Variants in RSKR observed in about 807,000 individuals in gnomAD.
RSKR encodes ribosomal protein S6 kinase-related protein.
RSKR carries 44 observed loss-of-function variants against 56.8 expected under a neutral mutation model. That is an observed-to-expected ratio of 0.77 (90% CI 0.61 to 1.00). The LOEUF (loss-of-function observed/expected upper bound fraction) is 1.00. Ranked by LOEUF, RSKR falls within the 50% of genes least tolerant of loss-of-function variation. The pLI, the probability that RSKR is intolerant of heterozygous loss-of-function variation, is 0.00. For synonymous variants in RSKR, 181 were observed against 188.0 expected (o/e 0.96, Z 0.30); for missense variants, 510 against 506.9 (o/e 1.01, Z -0.06).
Position 28,609,615 on chromosome 17 carries a change from C to A in RSKR, c.*863G>T, listed in dbSNP as rs557127155. Reference sequence around the variant, plus strand: ...CTGCATTATTTAGGGGTTGAAATGCCAGCTTTTGAGACTTTTGAAAAATTC... The same window carrying A: ...CTGCATTATTTAGGGGTTGAAATGCAAGCTTTTGAGACTTTTGAAAAATTC... On this transcript the variant is annotated 3_prime_UTR_variant, in exon 12 of 12. Transcript: ENST00000301037. 6.6e-6 allele frequency: 1 copy of A among 151,870 alleles called. No individual in the cohort carries two copies. Among genetic ancestry groups the A allele is most frequent in the Admixed American group, 6.6e-5 (1 of 15,250 alleles). The allele number at this position is 151,870 out of a possible 1,614,324, so 9.4% of individuals were successfully genotyped here. A position where few individuals can be genotyped will look rare whatever the true frequency, so the allele number is the denominator to read the frequency against.
chr17:28,609,089 A>G lies in RSKR; in HGVS notation c.*1389T>C, dbSNP rs186832245. The G allele has an allele frequency of 1.7e-5, 2 of 118,164 alleles. No individual in the cohort carries two copies. Among genetic ancestry groups the G allele is most frequent in the East Asian group, 5.6e-4 (2 of 3,576 alleles). 7.3% of individuals were successfully genotyped at this position (118,164 alleles called of 1,614,324 possible). A position where few individuals can be genotyped will look rare whatever the true frequency, so the allele number is the denominator to read the frequency against. ...ACAGAGTCTACCTCTGTCACCCAGGAGTTCAATGGCACAATCTTGGCTCAC... is the reference window on the plus strand; with the variant it reads ...ACAGAGTCTACCTCTGTCACCCAGGGGTTCAATGGCACAATCTTGGCTCAC... On this transcript the variant is annotated 3_prime_UTR_variant, in exon 12 of 12. Coordinates refer to ENST00000301037, the MANE Select transcript of RSKR (RefSeq NM_001174103.2).
Position 28,610,387 on chromosome 17 carries a change from AACAAACT to A in RSKR, c.*84_*90del, listed in dbSNP as rs2070795096. The stretch of plus-strand genomic sequence containing the variant: ...GAACGGTAAGAGGCTACAAAATAAA[AACAAACT>A]GGATTATCAAGGTGGTCATACTGAG... On this transcript the variant is annotated 3_prime_UTR_variant, in exon 12 of 12. Coordinates refer to ENST00000301037, the MANE Select transcript of RSKR (RefSeq NM_001174103.2). 4 of 1,221,796 alleles carry A rather than the reference AACAAACT, an allele frequency of 3.3e-6. No homozygotes were observed. In the African/African-American group the frequency reaches 6.0e-5, roughly 18 times the overall value. The allele number at this position is 1,221,796 out of a possible 1,614,324, so 75.7% of individuals were successfully genotyped here.
Position 28,610,046 on chromosome 17 carries a change from C to CT in RSKR, c.*431dup, listed in dbSNP as rs1336921184. The CT allele has an allele frequency of 6.1e-6, 1 of 163,934 alleles. No homozygotes were observed. Among genetic ancestry groups the CT allele is most frequent in the Non-Finnish European group, 1.3e-5 (1 of 75,490 alleles). 10.2% of individuals were successfully genotyped at this position (163,934 alleles called of 1,614,324 possible). The stretch of plus-strand genomic sequence containing the variant: ...CCAGCCTGGGCAACAGAGTGAGACT[C>CT]TGTCTCAAAAAAAAAAAAAAAATTC... On this transcript the variant is annotated 3_prime_UTR_variant, in exon 12 of 12. Transcript: ENST00000301037.
intron 8 of RSKR, 33 bp from the exon 9 acceptor site, chr17:28,611,689 T>A: frequency 6.2e-7 from 1 of 1,612,294 alleles, no homozygotes; most frequent in Non-Finnish European, 8.5e-7. Flanking sequence ...TGCACCACTG[T>A]TCCACCCATC....
chr17:28,612,013 C>T (rs2070822417), intron 7 of RSKR, 31 bp downstream of exon 7: 1 of 1,614,106 alleles, frequency 6.2e-7, no homozygotes, highest in Non-Finnish European at 8.5e-7. Flanking sequence ...GACTCTTTCT[C>T]AGACAAAGGG....
At chr17:28,612,887 A>G in intron 4 of RSKR, 191 bp downstream of exon 4, 1 of 748,108 alleles carries the variant, frequency 1.3e-6, no homozygotes, top group Non-Finnish European at 2.3e-6. Flanking sequence ...GACATGCTTC[A>G]GAGATTTCCC....
rs1266937665 is a variant in RSKR, at chr17:28,611,810, G to A, written c.694-15C>T. ...ATATTCTCCATCTGAAAGATCACAGGTGAGAAGTAATTCTTCCTCTTCCTT... is the reference window on the plus strand; with the variant it reads ...ATATTCTCCATCTGAAAGATCACAGATGAGAAGTAATTCTTCCTCTTCCTT... On this transcript the variant is annotated splice_polypyrimidine_tract_variant and intron_variant, in intron 7 of 11. Coordinates refer to ENST00000301037, the MANE Select transcript of RSKR (RefSeq NM_001174103.2). 6.2e-7 allele frequency: 1 copy of A among 1,614,038 alleles called. No homozygotes were observed. The highest frequency in any genetic ancestry group is 8.5e-7 in the Non-Finnish European group (1 of 1,180,030).
Position 28,613,083 on chromosome 17 carries a change from T to G in RSKR, c.472A>C (p.Ile158Leu), listed in dbSNP as rs35268078. Residue 158 changes from isoleucine to leucine, a missense_variant, in exon 4 of 12, where the codon ATC becomes CTC. Physicochemically the swap from Ile to Leu is conservative, Grantham distance 5. Transcript: ENST00000301037. ...TVRQCKEEVS[I>L]QRQINHPFVH... Reference sequence around the variant, plus strand: ...TTCCAGGACTCTGTGCATACCTGGATGCTAACCTCCTCTTTGCACTGCCTC... The same window carrying G: ...TTCCAGGACTCTGTGCATACCTGGAGGCTAACCTCCTCTTTGCACTGCCTC... 1 of 1,614,152 alleles carries G rather than the reference T, an allele frequency of 6.2e-7. No individual in the cohort carries two copies. Among genetic ancestry groups the G allele is most frequent in the Admixed American group, 1.7e-5 (1 of 60,022 alleles).
At chr17:28,610,792 T>A in intron 11 of RSKR, 93 bp from the exon 12 acceptor site, 2 of 1,253,790 alleles carry the variant, frequency 1.6e-6, no homozygotes, top group Non-Finnish European at 2.2e-6. Context: ...CATGGAGCTG[T>A]GGAGGGTAGG....
intron 7 of RSKR, 42 bp from the exon 8 acceptor site, chr17:28,611,837 C>G: frequency 6.2e-7 from 1 of 1,613,902 alleles, no homozygotes; most frequent in South Asian, 1.1e-5. Context: ...CTCTTCCTTT[C>G]AACTCTCTTT....
chr17:28,613,767 C>T, intron 1 of RSKR, 79 bp from the exon 2 acceptor site: 2 of 1,572,676 alleles, frequency 1.3e-6, no homozygotes, highest in South Asian at 1.1e-5. Context: ...GGCACTCCCT[C>T]CCCTTAAGTC....
intron 11 of RSKR, 33 bp from the exon 12 acceptor site, chr17:28,610,732 C>T: frequency 6.6e-7 from 1 of 1,526,342 alleles, no homozygotes; most frequent in Non-Finnish European, 8.8e-7. Context: ...GGATGAGTGA[C>T]TAGGACAGGA....
At chr17:28,610,766 AAAG>A (rs2070801486) in intron 11 of RSKR, 67 bp from the exon 12 acceptor site, 1 of 1,408,196 alleles carries the variant, frequency 7.1e-7, no homozygotes, top group South Asian at 1.3e-5. Flanking sequence ...AAAGGATGGA[AAAG>A]AAGAAAGAAG....
At chr17:28,613,807 G>A in intron 1 of RSKR, 119 bp from the exon 2 acceptor site, 2 of 1,410,232 alleles carry the variant, frequency 1.4e-6, no homozygotes, top group East Asian at 4.8e-5. Flanking sequence ...TTTTGAGCAT[G>A]AGGCAAAATT....
intron 6 of RSKR, 67 bp from the exon 7 acceptor site, chr17:28,612,151 A>T: frequency 6.3e-7 from 1 of 1,590,784 alleles, no homozygotes; most frequent in Non-Finnish European, 8.6e-7. Context: ...AGTAGCCCTC[A>T]TCCCATCCCT....
chr17:28,610,796 G>A, intron 11 of RSKR, 97 bp from the exon 12 acceptor site: 2 of 1,219,170 alleles, frequency 1.6e-6, no homozygotes, highest in East Asian at 2.6e-5. Flanking sequence ...GAGCTGTGGA[G>A]GGTAGGAATA....
Position 28,613,057 on chromosome 17 carries a change from T to C in RSKR, c.477+21A>G, listed in dbSNP as rs924281365. The C allele has an allele frequency of 4.9e-5, 79 of 1,613,362 alleles. No homozygotes were observed. In the Admixed American group the frequency reaches 1.3e-3, roughly 27 times the overall value. On this transcript the variant is annotated intron_variant, in intron 4 of 11. Coordinates refer to ENST00000301037, the MANE Select transcript of RSKR (RefSeq NM_001174103.2). ...TGTGGCCTAGCTCTTCCCACAATCCTTTCCAGGACTCTGTGCATACCTGGA... is the reference window on the plus strand; with the variant it reads ...TGTGGCCTAGCTCTTCCCACAATCCCTTCCAGGACTCTGTGCATACCTGGA...
intron 4 of RSKR, 131 bp from the exon 5 acceptor site, chr17:28,612,818 A>G (rs890741180): frequency 1.0e-5 from 9 of 878,676 alleles, no homozygotes; most frequent in Middle Eastern, 2.2e-4. Flanking sequence ...GAGGAACTCA[A>G]TATTTGGAAC....
Position 28,613,291 on chromosome 17 carries a change from A to C in RSKR, c.379T>G (p.Cys127Gly). ...ACTGCAAATACAGCTTTCTGGGTGC[A>C]ATCTAGCACCTTGAGGACAGTTCCA... is the stretch of plus-strand genomic sequence containing the variant. ...SFGTVLKVLD[C>G]TQKAVFAVKV... The change falls in exon 3 of 12, where the codon TGC (cysteine) becomes GGC (glycine). Residue 127 changes from cysteine to glycine, a missense_variant. By Grantham distance (159) the Cys-to-Gly change is radical (BLOSUM62 -3). Coordinates refer to ENST00000301037, the MANE Select transcript of RSKR (RefSeq NM_001174103.2). 6.2e-7 allele frequency: 1 copy of C among 1,614,028 alleles called. No individual in the cohort carries two copies. Among genetic ancestry groups the C allele is most frequent in the Non-Finnish European group, 8.5e-7 (1 of 1,180,046 alleles).
Sources: gnomAD v4.1 joint callset for allele counts on GRCh38, gnomAD v4.1.1 for gene constraint, MANE v1.5 for transcripts, NCBI Gene and HGNC (gene_info 2026-07-23, HGNC 2026-07-21) for gene names.